Variants in FAM13C observed in about 807,000 individuals in gnomAD.
FAM13C encodes family with sequence similarity 13 member C.
FAM13C carries 37 observed loss-of-function variants against 73.2 expected under a neutral mutation model. That is an observed-to-expected ratio of 0.51 (90% CI 0.39 to 0.67). The LOEUF (loss-of-function observed/expected upper bound fraction) is 0.67. Among genes scored for constraint, FAM13C ranks in the 30% least tolerant of loss-of-function variants. The probability of loss-of-function intolerance (pLI) is 0.00; values close to 1 mark genes in which losing one functional copy is unlikely to be tolerated. For synonymous variants in FAM13C, 246 were observed against 260.9 expected, an observed-to-expected ratio of 0.94 and a Z score of 0.55; for missense variants, 589 against 715.6, an observed-to-expected ratio of 0.82 and a Z score of 2.02.
At chr10:59,271,486 A>T (rs952637643) in intron 6 of FAM13C, among the ~76,000 whole-genome samples, 10 of 152,196 alleles carry the variant, frequency 6.6e-5, no homozygotes, top group African/African-American at 2.2e-4. Context: ...TCGGTGGCTG[A>T]GGCTAGTCAG....
chr10:59,252,556 A>C (rs1227198215), intron 12 of FAM13C, among the ~76,000 whole-genome samples: 1 of 152,056 alleles, frequency 6.6e-6, no homozygotes, highest in East Asian at 1.9e-4. Context: ...ATTAATGAAA[A>C]TCCAAATGGC....
At position 59,304,847 on chromosome 10, in the gene FAM13C, G is replaced by A. The variant is rs867726016; in HGVS notation, c.444-1983C>T. On this transcript the variant is annotated intron_variant, in intron 4 of 13. Coordinates refer to ENST00000618804, the MANE Select transcript of FAM13C (RefSeq NM_198215.4). ...AAGGGGAGGGGGCGGGGGAGGGGGA[G>A]GGGGAGGGGAAGGGAAAGGGAGGGC... Among the ~76,000 whole-genome samples the A allele has an allele frequency of 4.5e-3, 404 of 89,974 alleles. 17 individuals are homozygous for A. Among genetic ancestry groups the A allele is most frequent in the African/African-American group, 0.016 (385 of 24,788 alleles). The allele number at this position is 89,974 out of a possible 152,430, so 59.0% of individuals were successfully genotyped here.
chr10:59,349,432 T>A (rs1430799482), intron 3 of FAM13C, among the ~76,000 whole-genome samples: 1 of 152,216 alleles, frequency 6.6e-6, no homozygotes, highest in Non-Finnish European at 1.5e-5. Flanking sequence ...GACAGCTTCA[T>A]GATACCACTA....
At chr10:59,292,756 C>T (rs577248091) in intron 5 of FAM13C, among the ~76,000 whole-genome samples, 8 of 152,244 alleles carry the variant, frequency 5.3e-5, no homozygotes, top group Non-Finnish European at 1.2e-4. Flanking sequence ...ACAGGGTACA[C>T]GGTGAGTTTT....
chr10:59,336,284 C>T (rs1431119354), intron 3 of FAM13C, among the ~76,000 whole-genome samples: 1 of 152,154 alleles, frequency 6.6e-6, no homozygotes, highest in Non-Finnish European at 1.5e-5. Context: ...AAACATAATG[C>T]TGCTTATCAG....
intron 3 of FAM13C, among the ~76,000 whole-genome samples, chr10:59,347,395 T>A (rs900405487): frequency 1.3e-5 from 2 of 152,186 alleles, no homozygotes; most frequent in East Asian, 3.9e-4. Context: ...AATTTGAATC[T>A]GATCCTCCAG....
intron 6 of FAM13C, among the ~76,000 whole-genome samples, chr10:59,276,912 T>C (rs555471501): frequency 6.6e-6 from 1 of 152,350 alleles, no homozygotes; most frequent in East Asian, 1.9e-4. Flanking sequence ...TGTCTGTCTT[T>C]ATGATGGACA....
At chr10:59,332,248 G>A (rs1852094681) in intron 3 of FAM13C, among the ~76,000 whole-genome samples, 1 of 152,142 alleles carries the variant, frequency 6.6e-6, no homozygotes, top group Non-Finnish European at 1.5e-5. Flanking sequence ...ATATGTGTGT[G>A]TGTGTGTGTA....
chr10:59,252,882 C>T lies in FAM13C; in HGVS notation c.1449G>A (p.Glu483=). ...GDHLTYSNET[E]PVRALLPDEK... The stretch of plus-strand genomic sequence containing the variant: ...CATCTGGTAAAAGGGCCCTAACAGG[C>T]TCAGTCTCATTAGAGTAGGTGAGGT... The change falls in exon 12 of 14, where the codon GAG becomes GAA. Residue 483 remains glutamate, a synonymous_variant. Coordinates refer to ENST00000618804, the MANE Select transcript of FAM13C (RefSeq NM_198215.4). 1 of 1,614,116 alleles carries T rather than the reference C, an allele frequency of 6.2e-7. No homozygotes were observed. Among genetic ancestry groups the T allele is most frequent in the African/African-American group, 1.3e-5 (1 of 75,032 alleles).
At chr10:59,340,752 C>T (rs1245691431) in intron 3 of FAM13C, among the ~76,000 whole-genome samples, 2 of 151,820 alleles carry the variant, frequency 1.3e-5, no homozygotes, top group Non-Finnish European at 2.9e-5. Context: ...AAGGAAATAG[C>T]CTTAAACCAT....
chr10:59,352,245 A>C, intron 3 of FAM13C, 25 bp downstream of exon 3: 1 of 1,612,368 alleles, frequency 6.2e-7, no homozygotes, highest in African/African-American at 1.3e-5. Context: ...GTCTTGGCAA[A>C]AGCCTGAGAA....
At chr10:59,325,477 T>C (rs982510708) in intron 3 of FAM13C, among the ~76,000 whole-genome samples, 9 of 152,152 alleles carry the variant, frequency 5.9e-5, no homozygotes, top group Non-Finnish European at 1.0e-4. Context: ...AAGAAGACAC[T>C]CCACATGAAA....
intron 10 of FAM13C, among the ~76,000 whole-genome samples, chr10:59,258,405 C>A (rs752267289): frequency 7.2e-5 from 11 of 152,164 alleles, no homozygotes; most frequent in Admixed American, 2.0e-4. Context: ...ATTGCTTGAG[C>A]CCAGGAGTTC....
chr10:59,269,616 T>C (rs55963245), intron 7 of FAM13C, among the ~76,000 whole-genome samples: 14,935 of 152,242 alleles, frequency 0.098, 896 homozygotes, highest in South Asian at 0.2. Flanking sequence ...TATGTGCATG[T>C]ACATATACTT....
chr10:59,340,181 G>T (rs543199283), intron 3 of FAM13C, among the ~76,000 whole-genome samples: 2 of 152,166 alleles, frequency 1.3e-5, no homozygotes, highest in Non-Finnish European at 2.9e-5. Context: ...GGAAAATAAT[G>T]CTCAAGAATT....
At chr10:59,256,390 A>C (rs932419376) in intron 10 of FAM13C, among the ~76,000 whole-genome samples, 3 of 152,094 alleles carry the variant, frequency 2.0e-5, no homozygotes, top group Non-Finnish European at 4.4e-5. Flanking sequence ...AGCTAAATTT[A>C]ATTCTAAAAG....
chr10:59,346,271 G>A (rs560179832), intron 3 of FAM13C, among the ~76,000 whole-genome samples: 1 of 152,274 alleles, frequency 6.6e-6, no homozygotes, highest in African/African-American at 2.4e-5. Flanking sequence ...GTAAGAATAA[G>A]AACTATGCTC....
At chr10:59,302,774 C>G (rs770377516) in intron 5 of FAM13C, 27 bp downstream of exon 5, 1 of 1,604,662 alleles carries the variant, frequency 6.2e-7, no homozygotes, top group East Asian at 2.2e-5. Flanking sequence ...AATTCATGTT[C>G]TTATAACCAG....
At chr10:59,347,097 TAAAC>T (rs1056562956) in intron 3 of FAM13C, among the ~76,000 whole-genome samples, 7 of 152,128 alleles carry the variant, frequency 4.6e-5, no homozygotes, top group Non-Finnish European at 8.8e-5. Context: ...AAAAAAGAGA[TAAAC>T]AAGCAGAAAG....
Sources: gnomAD v4.1 joint callset for allele counts (sites outside exome capture counted in the v4.1 genomes callset) on GRCh38, gnomAD v4.1.1 for gene constraint, MANE v1.5 for transcripts, NCBI Gene and HGNC (gene_info 2026-07-23, HGNC 2026-07-21) for gene names.